The following ABLIM1 variants were observed in gnomAD, a reference collection of about 807,000 sequenced individuals.
The protein encoded by ABLIM1 is actin-binding LIM protein 1.
Under a neutral mutation model 107.0 loss-of-function variants are expected in ABLIM1, and 40 were observed. The ratio of observed to expected loss-of-function variants is 0.37; its 90% CI spans 0.29 to 0.49. The LOEUF is 0.49. Among genes scored for constraint, ABLIM1 ranks in the 20% least tolerant of loss-of-function variants. ABLIM1 has a pLI of 0.97. For missense variants in ABLIM1, 857 were observed against 1,008.5 expected, an observed-to-expected ratio of 0.85 and a Z score of 2.04; for synonymous variants, 357 against 357.3, an observed-to-expected ratio of 1.00 and a Z score of 0.01.
Position 114,601,936 on chromosome 10 carries a change from G to A in ABLIM1, c.270C>T (p.His90=), listed in dbSNP as rs2076041794. Residue 90 remains histidine (H), a synonymous_variant, in exon 2 of 23, where the codon CAC becomes CAT. Coordinates refer to ENST00000533213, the MANE Select transcript of ABLIM1 (RefSeq NM_002313.7). ...PFVAHPQDPH[H]PSEKPVIHCH... ...AGTGAATGACAGGCTTCTCTGATGG[G>A]TGGTGAGGGTCCTGAGGGTGGGCCA... 6.2e-7 allele frequency: 1 copy of A among 1,614,078 alleles called. No homozygotes were observed. The highest frequency in any genetic ancestry group is 1.1e-5 in the South Asian group (1 of 91,080).
intron 6 of ABLIM1, among the ~76,000 whole-genome samples, chr10:114,533,746 G>A (rs2065692235): frequency 6.6e-6 from 1 of 152,138 alleles, no homozygotes; most frequent in Non-Finnish European, 1.5e-5. Flanking sequence ...ATAGCTCACT[G>A]CAGCATTGCA....
At position 114,699,575 on chromosome 10, in the gene ABLIM1, T is replaced by C. The variant is rs142314982; in HGVS notation, c.-213+68486A>G. Among the ~76,000 whole-genome samples, 704 of 152,188 alleles carry C rather than the reference T, an allele frequency of 4.6e-3. 1 individual carries two copies. Among genetic ancestry groups the C allele is most frequent in the Non-Finnish European group, 7.5e-3 (508 of 67,990 alleles). On this transcript the variant is annotated intron_variant, in intron 1 of 15. Coordinates refer to the ABLIM1 transcript ENST00000651092. ...GTGATAATGTCCTCATTCTACCTAA[T>C]AGGGGTAAGAAGGTATTATGTAGAG...
At chr10:114,787,547 C>G in the ABLIM1 span, among the ~76,000 whole-genome samples, 2 of 146,162 alleles carry the variant, frequency 1.4e-5, no homozygotes, top group Non-Finnish European at 3.0e-5. Flanking sequence ...GTCAGCCCCC[C>G]GCCCGGCCAG....
At chr10:114,510,442 T>G (rs2135983001) in intron 6 of ABLIM1, among the ~76,000 whole-genome samples, 1 of 152,132 alleles carries the variant, frequency 6.6e-6, no homozygotes, top group Admixed American at 6.5e-5. Context: ...TTATAACTGC[T>G]GGCTACCTAG....
At chr10:114,458,094 CTGTGTGTGTG>C (rs35469132) in intron 12 of ABLIM1, among the ~76,000 whole-genome samples, 1 of 149,382 alleles carries the variant, frequency 6.7e-6, no homozygotes, top group East Asian at 2.0e-4. Context: ...CAAAACTACT[CTGTGTGTGTG>C]TGTGTGTGTG....
At chr10:114,541,690 C>T (rs1410597661) in intron 6 of ABLIM1, among the ~76,000 whole-genome samples, 1 of 152,250 alleles carries the variant, frequency 6.6e-6, no homozygotes, top group African/African-American at 2.4e-5. Context: ...TGGAAAGTCT[C>T]CAAGTCTTAG....
rs190745035 is a variant in ABLIM1, at chr10:114,692,656, C to T, written c.-213+75405G>A. Among the ~76,000 whole-genome samples, 86 of 152,238 alleles carry T rather than the reference C, an allele frequency of 5.6e-4. 1 individual carries two copies. Among genetic ancestry groups the T allele is most frequent in the Admixed American group, 2.2e-3 (34 of 15,292 alleles). Reference sequence around the variant, plus strand: ...GCTGTAATCCCAGCACTTTGGGAGGCCAAGGCGGGCAGATCACAAGGTCAA... The same window carrying T: ...GCTGTAATCCCAGCACTTTGGGAGGTCAAGGCGGGCAGATCACAAGGTCAA... On this transcript the variant is annotated intron_variant, in intron 1 of 15. Coordinates refer to the ABLIM1 transcript ENST00000651092.
chr10:114,756,394 T>C (rs2082630785), intron 1 of ABLIM1, among the ~76,000 whole-genome samples: 1 of 152,192 alleles, frequency 6.6e-6, no homozygotes. Flanking sequence ...TTTCATATAT[T>C]TCATTTTGCA....
chr10:114,705,077 C>A (rs2081393449), intron 1 of ABLIM1, among the ~76,000 whole-genome samples: 1 of 151,822 alleles, frequency 6.6e-6, no homozygotes, highest in Non-Finnish European at 1.5e-5. Flanking sequence ...TTAGACTAAG[C>A]AAGTGTGGAG....
intron 6 of ABLIM1, among the ~76,000 whole-genome samples, chr10:114,495,660 T>A (rs1476021615): frequency 6.6e-6 from 1 of 152,186 alleles, no homozygotes; most frequent in Non-Finnish European, 1.5e-5. Context: ...ATGGTAGTGC[T>A]GGTGATGATA....
At chr10:114,694,428 G>A (rs193144442) in intron 1 of ABLIM1, among the ~76,000 whole-genome samples, 1 of 152,220 alleles carries the variant, frequency 6.6e-6, no homozygotes, top group East Asian at 1.9e-4. Context: ...TGGTAAGGGG[G>A]GTGCACTATG....
intron 1 of ABLIM1, among the ~76,000 whole-genome samples, chr10:114,670,768 T>G (rs1232089221): frequency 6.6e-6 from 1 of 152,284 alleles, no homozygotes; most frequent in African/African-American, 2.4e-5. Context: ...GTGTTGGGAT[T>G]ATAGGCGTAA....
intron 1 of ABLIM1, chr10:114,690,359 A>G (rs1309577970): frequency 3.1e-6 from 5 of 1,604,752 alleles, no homozygotes; most frequent in Non-Finnish European, 4.3e-6. Flanking sequence ...AGATGCCAGG[A>G]CCTGTATGCT....
intron 6 of ABLIM1, 64 bp downstream of exon 6, chr10:114,544,941 G>T: frequency 6.7e-7 from 1 of 1,485,924 alleles, no homozygotes. Context: ...GTCCCCTCTT[G>T]TTTGTTTCTG....
chr10:114,588,529 C>G (rs1233619893), intron 2 of ABLIM1, among the ~76,000 whole-genome samples: 1 of 103,458 alleles, frequency 9.7e-6, no homozygotes, highest in Admixed American at 1.6e-4. Flanking sequence ...GAGTCTTGCT[C>G]TGTCTCCCAG....
intron 17 of ABLIM1, among the ~76,000 whole-genome samples, chr10:114,442,182 A>G (rs968329302): frequency 8.5e-5 from 13 of 152,248 alleles, no homozygotes; most frequent in African/African-American, 3.1e-4. Flanking sequence ...CTAAGCTTCT[A>G]AACAGCTGAG....
intron 1 of ABLIM1, among the ~76,000 whole-genome samples, chr10:114,739,932 GA>G (rs1176433375): frequency 6.6e-5 from 10 of 152,186 alleles, no homozygotes; most frequent in African/African-American, 2.4e-4. Flanking sequence ...AAAGTAAAAA[GA>G]AGCAATAAAT....
At chr10:114,466,267 G>A (rs533143378) in intron 11 of ABLIM1, among the ~76,000 whole-genome samples, 1 of 152,164 alleles carries the variant, frequency 6.6e-6, no homozygotes, top group South Asian at 2.1e-4. Context: ...CTATGATTGT[G>A]CCAGTGCACT....
chr10:114,799,695 AT>A, the ABLIM1 span, among the ~76,000 whole-genome samples: 1 of 152,212 alleles, frequency 6.6e-6, no homozygotes, highest in African/African-American at 2.4e-5. Context: ...TCTTACTGAA[AT>A]AATGTGAGCC....
Sources: allele counts gnomAD v4.1 joint callset (sites outside exome capture counted in the v4.1 genomes callset), GRCh38; gene constraint gnomAD v4.1.1; transcripts MANE v1.5; gene names NCBI Gene and HGNC (gene_info 2026-07-23, HGNC 2026-07-21).